The following SRPK2 variants were observed in gnomAD, a reference collection of about 807,000 sequenced individuals.
SRPK2 encodes the protein SRSF protein kinase 2, also known as SFRS protein kinase 2.
Under a neutral mutation model 90.8 loss-of-function variants are expected in SRPK2, and 21 were observed. The observed-to-expected ratio is 0.23, with a 90% confidence interval of 0.16 to 0.33. The LOEUF is 0.33. Among genes scored for constraint, SRPK2 ranks in the 10% least tolerant of loss-of-function variants. The probability of loss-of-function intolerance (pLI) is 1.00; values close to 1 mark genes in which losing one functional copy is unlikely to be tolerated. For synonymous variants in SRPK2, 288 were observed against 311.1 expected (o/e 0.93, Z 0.78); for missense variants, 620 against 869.0 (o/e 0.71, Z 3.60).
chr7:105,209,311 G>T (rs1796577380), intron 2 of SRPK2, among the ~76,000 whole-genome samples: 1 of 152,156 alleles, frequency 6.6e-6, no homozygotes, highest in Non-Finnish European at 1.5e-5. Context: ...GCACTTTGGG[G>T]AGGCCACAGT....
intron 2 of SRPK2, chr7:105,205,957 C>T (rs756407270): frequency 1.9e-6 from 1 of 518,906 alleles, no homozygotes; most frequent in Non-Finnish European, 3.8e-6. Flanking sequence ...ATTGAGTTTG[C>T]TGTAGAAACT....
chr7:105,132,112 G>T (rs945992186), intron 13 of SRPK2, among the ~76,000 whole-genome samples: 1 of 152,226 alleles, frequency 6.6e-6, no homozygotes, highest in Non-Finnish European at 1.5e-5. Context: ...AGGCCTGACA[G>T]ATAGAAGAAG....
intron 3 of SRPK2, among the ~76,000 whole-genome samples, chr7:105,195,047 A>T (rs779923488): frequency 6.6e-6 from 1 of 152,124 alleles, no homozygotes; most frequent in African/African-American, 2.4e-5. Context: ...ATATATTTTT[A>T]TTTTTTGTTT....
At chr7:105,293,824 A>G (rs66599006) in intron 2 of SRPK2, among the ~76,000 whole-genome samples, 109,680 of 151,984 alleles carry the variant, frequency 0.72, 40,119 homozygotes, top group African/African-American at 0.84. Context: ...TGGGCCCCAG[A>G]TCTTTCACTA....
At chr7:105,292,132 A>G (rs1809114464) in intron 2 of SRPK2, among the ~76,000 whole-genome samples, 1 of 152,224 alleles carries the variant, frequency 6.6e-6, no homozygotes, top group African/African-American at 2.4e-5. Context: ...GATTCTTGAC[A>G]GTCATATGTT....
chr7:105,288,288 T>C (rs2130956178), intron 2 of SRPK2, among the ~76,000 whole-genome samples: 1 of 152,060 alleles, frequency 6.6e-6, no homozygotes, highest in South Asian at 2.1e-4. Flanking sequence ...TTAAAATAAA[T>C]AAATAAGTAA....
intron 2 of SRPK2, among the ~76,000 whole-genome samples, chr7:105,374,699 G>A (rs765702277): frequency 2.6e-5 from 4 of 152,060 alleles, no homozygotes; most frequent in African/African-American, 4.8e-5. Flanking sequence ...TCCACCTCCC[G>A]GGTTCAAGCA....
chr7:105,353,350 G>A (rs985047747), intron 2 of SRPK2, among the ~76,000 whole-genome samples: 2 of 150,752 alleles, frequency 1.3e-5, no homozygotes, highest in Non-Finnish European at 3.0e-5. Flanking sequence ...GTTTTTTTGT[G>A]TTTTTTTTTG....
intron 3 of SRPK2, among the ~76,000 whole-genome samples, chr7:105,170,271 C>A (rs538918081): frequency 7.9e-5 from 12 of 152,250 alleles, no homozygotes; most frequent in African/African-American, 2.9e-4. Flanking sequence ...TATAATTCTG[C>A]ATACATTAAT....
At chr7:105,288,974 C>G (rs192105559) in intron 2 of SRPK2, among the ~76,000 whole-genome samples, 9 of 151,942 alleles carry the variant, frequency 5.9e-5, no homozygotes, top group Non-Finnish European at 1.0e-4. Flanking sequence ...AAATAACTTC[C>G]AGCCAGGTGC....
intron 5 of SRPK2, 98 bp downstream of exon 5, chr7:105,167,910 C>G (rs1209958516): frequency 1.9e-6 from 2 of 1,079,736 alleles, no homozygotes; most frequent in Non-Finnish European, 2.7e-6. Context: ...CGTGCCCAGC[C>G]AAACTTGACT....
intron 3 of SRPK2, among the ~76,000 whole-genome samples, chr7:105,177,073 G>A (rs576727931): frequency 4.0e-5 from 6 of 151,860 alleles, no homozygotes; most frequent in South Asian, 2.1e-4. Flanking sequence ...CTGCAATTCC[G>A]CTAATATTAA....
At chr7:105,127,711 A>C (rs1036245836) in intron 13 of SRPK2, among the ~76,000 whole-genome samples, 3 of 152,178 alleles carry the variant, frequency 2.0e-5, no homozygotes, top group African/African-American at 7.2e-5. Context: ...TCAGCATGCC[A>C]GCATGTAGGG....
chr7:105,355,704 C>T (rs569939617), intron 2 of SRPK2, among the ~76,000 whole-genome samples: 2 of 152,096 alleles, frequency 1.3e-5, no homozygotes, highest in South Asian at 4.1e-4. Context: ...AATAACTAAA[C>T]GTCAAGCAGG....
intron 2 of SRPK2, among the ~76,000 whole-genome samples, chr7:105,280,648 T>TA (rs35269383): frequency 5.1e-4 from 16 of 31,406 alleles, no homozygotes; most frequent in Non-Finnish European, 6.7e-4. Context: ...AACAAGTCAT[T>TA]AAAAAAAAGG....
intron 2 of SRPK2, among the ~76,000 whole-genome samples, chr7:105,351,169 T>G (rs1004643021): frequency 6.6e-6 from 1 of 151,976 alleles, no homozygotes; most frequent in African/African-American, 2.4e-5. Context: ...GGTGGCTTTA[T>G]AAGAGGAAGA....
intron 2 of SRPK2, among the ~76,000 whole-genome samples, chr7:105,248,079 C>T (rs1801958092): frequency 6.6e-6 from 1 of 152,130 alleles, no homozygotes; most frequent in Non-Finnish European, 1.5e-5. Context: ...TCTCGAACTA[C>T]CAACCTCAGG....
intron 2 of SRPK2, among the ~76,000 whole-genome samples, chr7:105,346,263 C>G (rs1816444781): frequency 6.6e-6 from 1 of 152,078 alleles, no homozygotes; most frequent in Non-Finnish European, 1.5e-5. Flanking sequence ...GGCTTCAAAC[C>G]ATTCTCAACT....
Position 105,279,510 on chromosome 7 carries a change from T to C in SRPK2, c.72-75725A>G, listed in dbSNP as rs553366433. Reference sequence around the variant, plus strand: ...TATTCCCCCTACCCCCAGGAGGGTGTGAACAAAAGCCAACAAGCAAGAAGA... The same window carrying C: ...TATTCCCCCTACCCCCAGGAGGGTGCGAACAAAAGCCAACAAGCAAGAAGA... On this transcript the variant is annotated intron_variant, in intron 2 of 15. Transcript: ENST00000393651. Among the ~76,000 whole-genome samples the C allele has an allele frequency of 3.9e-5, 6 of 152,066 alleles. No individual in the cohort carries two copies. In the South Asian group the frequency reaches 1.2e-3, roughly 32 times the overall value.
Sources: allele counts gnomAD v4.1 joint callset (sites outside exome capture counted in the v4.1 genomes callset), GRCh38; gene constraint gnomAD v4.1.1; transcripts MANE v1.5; gene names NCBI Gene and HGNC (gene_info 2026-07-23, HGNC 2026-07-21).